The following ARHGEF3 variants were observed in gnomAD, a reference collection of about 807,000 sequenced individuals.
The protein encoded by ARHGEF3 is Rho guanine nucleotide exchange factor 3, also known as 59.8 kDA protein.
ARHGEF3 carries 28 observed loss-of-function variants against 63.2 expected under a neutral mutation model. The observed-to-expected ratio is 0.44, with a 90% CI of 0.33 to 0.61. ARHGEF3 has a LOEUF of 0.61. Ranked by LOEUF, ARHGEF3 falls within the 20% of genes least tolerant of loss-of-function variation. ARHGEF3 has a pLI of 0.03. For missense variants in ARHGEF3, 533 were observed against 659.3 expected, an observed-to-expected ratio of 0.81 and a Z score of 2.10; for synonymous variants, 266 against 254.2, an observed-to-expected ratio of 1.05 and a Z score of -0.44.
At chr3:56,734,754 A>C (rs1239556582) in intron 8 of ARHGEF3, among the ~76,000 whole-genome samples, 1 of 152,142 alleles carries the variant, frequency 6.6e-6, no homozygotes, top group Non-Finnish European at 1.5e-5. Context: ...AAACCCAACC[A>C]AATCTTGGCT....
At chr3:56,946,538 T>C (rs1337719124) in intron 3 of ARHGEF3, among the ~76,000 whole-genome samples, 1 of 151,958 alleles carries the variant, frequency 6.6e-6, no homozygotes, top group African/African-American at 2.4e-5. Flanking sequence ...TGATGGAACA[T>C]CAAATGAATG....
At chr3:56,923,580 TAA>T (rs1163293323) in intron 3 of ARHGEF3, among the ~76,000 whole-genome samples, 31 of 152,248 alleles carry the variant, frequency 2.0e-4, no homozygotes, top group African/African-American at 7.0e-4. Context: ...AGTTAAAACT[TAA>T]GTCATATTTA....
At chr3:56,823,978 G>A (rs2038614569) in intron 4 of ARHGEF3, among the ~76,000 whole-genome samples, 1 of 87,462 alleles carries the variant, frequency 1.1e-5, no homozygotes, top group Admixed American at 1.7e-4. Flanking sequence ...AAAAGATCTT[G>A]AGGAAAGGAA....
chr3:57,006,091 CAGTT>C (rs1222375723), intron 2 of ARHGEF3, among the ~76,000 whole-genome samples: 1 of 152,198 alleles, frequency 6.6e-6, no homozygotes, highest in African/African-American at 2.4e-5. Flanking sequence ...ACCTGGCACA[CAGTT>C]GGTGGCTTAA....
At chr3:57,038,441 T>C (rs1704049528) in intron 1 of ARHGEF3, among the ~76,000 whole-genome samples, 1 of 152,106 alleles carries the variant, frequency 6.6e-6, no homozygotes, top group Non-Finnish European at 1.5e-5. Context: ...AGGGGTTTCA[T>C]ACCATTGTTT....
intron 2 of ARHGEF3, among the ~76,000 whole-genome samples, chr3:56,992,016 T>TCC: frequency 8.2e-6 from 1 of 122,568 alleles, no homozygotes; most frequent in East Asian, 2.3e-4. Context: ...CTCTCTCCCC[T>TCC]CCTCTCTCTG....
At chr3:56,739,942 C>T (rs1455025971) in intron 7 of ARHGEF3, among the ~76,000 whole-genome samples, 1 of 151,684 alleles carries the variant, frequency 6.6e-6, no homozygotes. Context: ...TCTTGTCACC[C>T]AGGCTGGAGT....
At chr3:56,922,201 G>A (rs1013546207) in intron 3 of ARHGEF3, among the ~76,000 whole-genome samples, 8 of 152,166 alleles carry the variant, frequency 5.3e-5, no homozygotes, top group African/African-American at 1.7e-4. Flanking sequence ...GAAGCACACA[G>A]GGGCCGCTTG....
At chr3:56,791,567 G>A (rs2037077898) in intron 1 of ARHGEF3, among the ~76,000 whole-genome samples, 1 of 152,162 alleles carries the variant, frequency 6.6e-6, no homozygotes, top group African/African-American at 2.4e-5. Context: ...CTTGCAGTTG[G>A]AGATTACTCT....
chr3:56,898,553 C>A, intron 3 of ARHGEF3: 1 of 216,286 alleles, frequency 4.6e-6, no homozygotes, highest in Non-Finnish European at 1.0e-5. Context: ...TGTTTACCTG[C>A]TGTTAGTTTG....
intron 1 of ARHGEF3, chr3:56,775,386 T>TA: frequency 1.9e-6 from 2 of 1,053,872 alleles, no homozygotes; most frequent in Non-Finnish European, 2.3e-6. Context: ...TTTAAAAACT[T>TA]AAAAAGAAAA....
Position 56,876,639 on chromosome 3 carries a change from A to C in ARHGEF3, c.192+5653T>G, listed in dbSNP as rs535595679. Reference sequence around the variant, plus strand: ...TTCTTCCCAAGTATTCCTTGCCAGGAGATTAAACAGGGCTCATCTTGATGG... The same window carrying C: ...TTCTTCCCAAGTATTCCTTGCCAGGCGATTAAACAGGGCTCATCTTGATGG... On this transcript the variant is annotated intron_variant, in intron 4 of 12. Transcript: ENST00000338458. Among the ~76,000 whole-genome samples, 4 of 152,242 alleles carry C rather than the reference A, an allele frequency of 2.6e-5. No individual in the cohort carries two copies. The South Asian group carries it at 6.2e-4, about 24-fold the overall frequency.
intron 2 of ARHGEF3, among the ~76,000 whole-genome samples, chr3:57,015,138 T>C (rs983445904): frequency 6.6e-6 from 1 of 152,232 alleles, no homozygotes; most frequent in Non-Finnish European, 1.5e-5. Flanking sequence ...GTTTTACTGG[T>C]ATACAGCCAC....
intron 1 of ARHGEF3, among the ~76,000 whole-genome samples, chr3:57,036,989 ACAGT>A (rs1703990713): frequency 6.6e-6 from 1 of 152,212 alleles, no homozygotes; most frequent in African/African-American, 2.4e-5. Context: ...AAGGCGTTAG[ACAGT>A]CAGTTTAGGG....
At chr3:56,984,136 A>C (rs1034416548) in intron 2 of ARHGEF3, among the ~76,000 whole-genome samples, 11 of 152,118 alleles carry the variant, frequency 7.2e-5, no homozygotes, top group African/African-American at 2.7e-4. Context: ...CACAGCAGCC[A>C]CAAGAGCTTA....
intron 7 of ARHGEF3, among the ~76,000 whole-genome samples, chr3:56,741,794 C>T (rs780308277): frequency 1.2e-4 from 18 of 152,178 alleles, no homozygotes; most frequent in Admixed American, 7.2e-4. Flanking sequence ...TGAGCCACCG[C>T]GCCCAGCTTT....
At chr3:56,825,131 T>A (rs2038664391) in intron 4 of ARHGEF3, among the ~76,000 whole-genome samples, 1 of 152,148 alleles carries the variant, frequency 6.6e-6, no homozygotes. Flanking sequence ...AAAATGGGGA[T>A]GAAAAGAGTA....
chr3:57,039,637 G>A (rs554666987), intron 1 of ARHGEF3, among the ~76,000 whole-genome samples: 3 of 152,316 alleles, frequency 2.0e-5, no homozygotes, highest in Admixed American at 1.3e-4. Flanking sequence ...CGTTCTAGAG[G>A]AGACTCTGTT....
chr3:57,076,419 G>A (rs1392496018), intron 1 of ARHGEF3, among the ~76,000 whole-genome samples: 1 of 152,158 alleles, frequency 6.6e-6, no homozygotes, highest in Non-Finnish European at 1.5e-5. Context: ...GTCAGAACAC[G>A]AAGCAGACCA....
Sources: gnomAD v4.1 joint callset for allele counts (sites outside exome capture counted in the v4.1 genomes callset) on GRCh38, gnomAD v4.1.1 for gene constraint, MANE v1.5 for transcripts, NCBI Gene and HGNC (gene_info 2026-07-23, HGNC 2026-07-21) for gene names.